The following MAP2K1 variants were observed in gnomAD, a reference collection of about 807,000 sequenced individuals.
MAP2K1 encodes mitogen-activated protein kinase kinase 1.
In MAP2K1, 16 loss-of-function variants were observed where a neutral mutation model predicts 46.3. That is an observed-to-expected ratio of 0.35 (90% CI 0.23 to 0.52). The LOEUF (loss-of-function observed/expected upper bound fraction) is 0.52. Ranked by LOEUF, MAP2K1 falls within the 20% of genes least tolerant of loss-of-function variation. The probability of loss-of-function intolerance (pLI) is 0.94; values close to 1 mark genes in which losing one functional copy is unlikely to be tolerated. For synonymous variants in MAP2K1, 183 were observed against 185.6 expected (o/e 0.99, Z 0.11); for missense variants, 263 against 497.1 (o/e 0.53, Z 4.48).
intron 8 of MAP2K1, 22 bp from the exon 9 acceptor site, chr15:66,489,193 T>G (rs1180599687): frequency 6.2e-7 from 1 of 1,608,824 alleles, no homozygotes; most frequent in Non-Finnish European, 8.5e-7. Context: ...GGCATTTTTC[T>G]TATCTCAACA....
intron 1 of MAP2K1, among the ~76,000 whole-genome samples, chr15:66,391,382 A>G (rs372292649): frequency 6.6e-6 from 1 of 152,266 alleles, no homozygotes; most frequent in African/African-American, 2.4e-5. Flanking sequence ...TCCGCCTCCC[A>G]GGTTCATGCC....
intron 2 of MAP2K1, 106 bp downstream of exon 2, chr15:66,435,343 C>T: frequency 1.1e-6 from 1 of 869,988 alleles, no homozygotes. Context: ...CCTTTTTGTG[C>T]TGTTTGAATT....
rs773540178 is a variant in MAP2K1 at position 66,478,400 on chromosome 15, G to GTGTA, written c.569-3354_569-3353insGTAT. Among the ~76,000 whole-genome samples, 341 of 109,112 alleles carry GTGTA rather than the reference G, an allele frequency of 3.1e-3. 3 individuals are homozygous for GTGTA. Among genetic ancestry groups the GTGTA allele is most frequent in the African/African-American group, 0.013 (303 of 23,706 alleles). 71.6% of individuals were successfully genotyped at this position (109,112 alleles called of 152,430 possible). ...AATATATATACACAGATATGTGTGT[G>GTGTA]TATATATATATATACACACAGGTAT... On this transcript the variant is annotated intron_variant, in intron 5 of 10. Transcript: ENST00000307102.
At chr15:66,420,787 A>G (rs758164251) in intron 1 of MAP2K1, among the ~76,000 whole-genome samples, 2 of 48,766 alleles carry the variant, frequency 4.1e-5, no homozygotes, top group African/African-American at 5.5e-5. Context: ...GTGTATATAT[A>G]TGTGTGTATA....
chr15:66,446,994 T>A (rs748931212), intron 5 of MAP2K1, among the ~76,000 whole-genome samples: 1 of 152,186 alleles, frequency 6.6e-6, no homozygotes, highest in Non-Finnish European at 1.5e-5. Context: ...GACAGGAAAT[T>A]GGTAAACATA....
intron 5 of MAP2K1, among the ~76,000 whole-genome samples, chr15:66,448,101 T>C (rs1280892927): frequency 1.4e-5 from 2 of 138,572 alleles, no homozygotes; most frequent in Non-Finnish European, 3.0e-5. Context: ...TGCAGTGAGC[T>C]GAGATTGTGC....
At chr15:66,474,076 G>A (rs1892701599) in intron 5 of MAP2K1, among the ~76,000 whole-genome samples, 1 of 152,210 alleles carries the variant, frequency 6.6e-6, no homozygotes, top group Non-Finnish European at 1.5e-5. Flanking sequence ...GTCAGGGTTT[G>A]TGGGCCCTCT....
intron 1 of MAP2K1, among the ~76,000 whole-genome samples, chr15:66,400,834 G>A (rs1216693514): frequency 6.6e-6 from 1 of 152,204 alleles, no homozygotes; most frequent in Non-Finnish European, 1.5e-5. Context: ...AAGGGAGTCA[G>A]GTTAAGAAGA....
intron 5 of MAP2K1, among the ~76,000 whole-genome samples, chr15:66,456,654 C>T (rs1892172273): frequency 6.6e-6 from 1 of 152,180 alleles, no homozygotes; most frequent in Non-Finnish European, 1.5e-5. Flanking sequence ...GTGTTTGAAC[C>T]ACTGATTGGC....
chr15:66,485,728 G>A (rs1451411594), intron 7 of MAP2K1, among the ~76,000 whole-genome samples: 3 of 152,116 alleles, frequency 2.0e-5, no homozygotes, highest in Admixed American at 2.0e-4. Flanking sequence ...ACAGTCACAT[G>A]CCACCATGCT....
intron 5 of MAP2K1, among the ~76,000 whole-genome samples, chr15:66,455,674 A>G (rs1892148092): frequency 6.6e-6 from 1 of 152,162 alleles, no homozygotes; most frequent in African/African-American, 2.4e-5. Flanking sequence ...TAGTTTTCCT[A>G]CATTTCTAAT....
chr15:66,436,490 G>A (rs553309172), intron 2 of MAP2K1, among the ~76,000 whole-genome samples: 1 of 152,230 alleles, frequency 6.6e-6, no homozygotes, highest in Admixed American at 6.5e-5. Flanking sequence ...AGCCTCTCTT[G>A]GAGTAAGCCC....
chr15:66,490,972 C>T lies in MAP2K1; in HGVS notation c.*357C>T, dbSNP rs1047088155. 5 of 436,964 alleles carry T rather than the reference C, an allele frequency of 1.1e-5. No homozygotes were observed. Among genetic ancestry groups the T allele is most frequent in the East Asian group, 8.1e-5 (2 of 24,732 alleles). 27.1% of individuals were successfully genotyped at this position (436,964 alleles called of 1,614,324 possible). On this transcript the variant is annotated 3_prime_UTR_variant, in exon 11 of 11. Transcript: ENST00000307102. ...ATGACTGGCTGTCTGCCTGTATTTTCGGGATTCTTTGACATTTGGTGGTAC... is the reference window on the plus strand; with the variant it reads ...ATGACTGGCTGTCTGCCTGTATTTTTGGGATTCTTTGACATTTGGTGGTAC...
chr15:66,406,849 G>T (rs2093398216), intron 1 of MAP2K1, among the ~76,000 whole-genome samples: 1 of 152,090 alleles, frequency 6.6e-6, no homozygotes. Flanking sequence ...TGACCAACAT[G>T]GAGAAACCCC....
At chr15:66,435,327 T>C (rs2093485073) in intron 2 of MAP2K1, 90 bp downstream of exon 2, 2 of 1,036,076 alleles carry the variant, frequency 1.9e-6, no homozygotes, top group Non-Finnish European at 1.5e-6. Flanking sequence ...CTGATTTTAC[T>C]CAATACCTTT....
chr15:66,387,475 C>T (rs769572694), intron 1 of MAP2K1, 48 bp downstream of exon 1: 1 of 1,531,014 alleles, frequency 6.5e-7, no homozygotes, highest in Non-Finnish European at 8.9e-7. Context: ...TGGGGAGGCC[C>T]GAGCCGGGGA....
At chr15:66,445,791 A>G (rs1015306612) in intron 5 of MAP2K1, among the ~76,000 whole-genome samples, 3 of 152,184 alleles carry the variant, frequency 2.0e-5, no homozygotes, top group African/African-American at 7.2e-5. Flanking sequence ...CAGAAAGTAG[A>G]TCAGTGGTTG....
intron 7 of MAP2K1, 55 bp from the exon 8 acceptor site, chr15:66,487,173 T>C: frequency 2.7e-6 from 4 of 1,495,460 alleles, no homozygotes; most frequent in Non-Finnish European, 2.8e-6. Flanking sequence ...CCTTGCCTCA[T>C]ATTAACAAGT....
intron 3 of MAP2K1, among the ~76,000 whole-genome samples, chr15:66,439,615 A>G (rs2093498001): frequency 6.6e-6 from 1 of 152,106 alleles, no homozygotes; most frequent in South Asian, 2.1e-4. Context: ...AAAAATGCAA[A>G]ATTAGCCAGG....
Sources: gnomAD v4.1 joint callset for allele counts (sites outside exome capture counted in the v4.1 genomes callset) on GRCh38, gnomAD v4.1.1 for gene constraint, MANE v1.5 for transcripts, NCBI Gene and HGNC (gene_info 2026-07-23, HGNC 2026-07-21) for gene names.